Variants in EPB41L5 observed in about 807,000 individuals in gnomAD.
EPB41L5 encodes the protein band 4.1-like protein 5.
A neutral mutation model predicts 106.6 loss-of-function variants in EPB41L5; 55 were observed. The observed-to-expected ratio is 0.52, with a 90% confidence interval of 0.42 to 0.65. EPB41L5 has a LOEUF of 0.65. Ranked by LOEUF, EPB41L5 falls within the 30% of genes least tolerant of loss-of-function variation. The pLI, the probability that EPB41L5 is intolerant of heterozygous loss-of-function variation, is 0.00. For synonymous variants in EPB41L5, 297 were observed against 306.7 expected, an observed-to-expected ratio of 0.97 and a Z score of 0.33; for missense variants, 871 against 882.1, an observed-to-expected ratio of 0.99 and a Z score of 0.16.
chr2:120,100,831 A>C lies in EPB41L5; in HGVS notation c.1337+17A>C. The C allele has an allele frequency of 6.7e-7, 1 of 1,484,168 alleles. No homozygotes were observed. Among genetic ancestry groups the C allele is most frequent in the Non-Finnish European group, 9.2e-7 (1 of 1,081,448 alleles). 91.9% of individuals were successfully genotyped at this position (1,484,168 alleles called of 1,614,324 possible). ...CAGGAAATGGTTTGTTAATTCCTTAAACTAAAATAAAATATTGCCTAGTTA... is the reference window on the plus strand; with the variant it reads ...CAGGAAATGGTTTGTTAATTCCTTACACTAAAATAAAATATTGCCTAGTTA... On this transcript the variant is annotated intron_variant, in intron 16 of 24. Transcript: ENST00000263713.
intron 24 of EPB41L5, 34 bp from the exon 25 acceptor site, chr2:120,174,807 G>C (rs1687861974): frequency 1.2e-6 from 2 of 1,603,620 alleles, no homozygotes; most frequent in Non-Finnish European, 1.7e-6. Flanking sequence ...AACCCCAGGG[G>C]TTCCCTGAGT....
intron 16 of EPB41L5, among the ~76,000 whole-genome samples, chr2:120,111,627 G>A (rs773891392): frequency 5.3e-5 from 8 of 152,128 alleles, no homozygotes; most frequent in Middle Eastern, 3.4e-3. Flanking sequence ...AATGTATCCA[G>A]GTCTACTGCT....
chr2:120,043,130 A>G (rs1050186288), intron 3 of EPB41L5, among the ~76,000 whole-genome samples: 1 of 151,474 alleles, frequency 6.6e-6, no homozygotes, highest in Non-Finnish European at 1.5e-5. Context: ...TCATTTTTTC[A>G]TGACAACCCT....
At chr2:120,094,545 C>G (rs1031813269) in intron 14 of EPB41L5, among the ~76,000 whole-genome samples, 2 of 147,742 alleles carry the variant, frequency 1.4e-5, no homozygotes, top group African/African-American at 2.5e-5. Context: ...AATAGAAAAG[C>G]TTTTGGTTTC....
intron 2 of EPB41L5, among the ~76,000 whole-genome samples, chr2:120,040,719 A>G (rs950822043): frequency 1.3e-5 from 2 of 152,222 alleles, no homozygotes; most frequent in Non-Finnish European, 2.9e-5. Flanking sequence ...AAGTATGTCT[A>G]TAAAACTTGA....
intron 16 of EPB41L5, chr2:120,104,316 T>C: frequency 6.8e-7 from 1 of 1,469,752 alleles, no homozygotes; most frequent in Non-Finnish European, 9.0e-7. Flanking sequence ...TTATAAAGGA[T>C]TAATCACATT....
intron 12 of EPB41L5, 37 bp downstream of exon 12, chr2:120,090,553 C>G (rs748059499): frequency 3.2e-6 from 5 of 1,563,290 alleles, no homozygotes; most frequent in Non-Finnish European, 3.5e-6. Flanking sequence ...TCTTTCATTG[C>G]ATACAGGCCA....
chr2:120,151,192 C>T lies in EPB41L5; in HGVS notation c.1793+4903C>T, dbSNP rs372465862. 4.6e-5 allele frequency among the ~76,000 whole-genome samples: 7 copies of T among 151,958 alleles called. No individual in the cohort carries two copies. The East Asian group carries it at 1.2e-3, about 25-fold the overall frequency. On this transcript the variant is annotated intron_variant, in intron 20 of 24. Coordinates refer to ENST00000263713, the MANE Select transcript of EPB41L5 (RefSeq NM_020909.4). ...CCGGGTGCCTGTAGTCCCAGCTACT[C>T]GGGAGGCTAAGGCAGGAGAATGGCG...
intron 3 of EPB41L5, among the ~76,000 whole-genome samples, chr2:120,061,139 C>G (rs1453534720): frequency 7.1e-6 from 1 of 141,668 alleles, no homozygotes; most frequent in East Asian, 2.2e-4. Flanking sequence ...CTTCCGGGTT[C>G]AAGCAATTCT....
chr2:120,054,438 ATATC>A (rs1353799685), intron 3 of EPB41L5, among the ~76,000 whole-genome samples: 1 of 151,778 alleles, frequency 6.6e-6, no homozygotes, highest in African/African-American at 2.4e-5. Flanking sequence ...TGTTTGTGTT[ATATC>A]TATCAAACGA....
At chr2:120,118,658 C>T (rs2105442890) in intron 16 of EPB41L5, among the ~76,000 whole-genome samples, 1 of 152,312 alleles carries the variant, frequency 6.6e-6, no homozygotes, top group South Asian at 2.1e-4. Context: ...ATCCATGTCC[C>T]TGCAAAGGAC....
In EPB41L5 at chr2:120,028,900, G is replaced by A. The variant is rs531922894; in HGVS notation, c.180+9636G>A. On this transcript the variant is annotated intron_variant, in intron 2 of 24. Transcript: ENST00000263713. ...AAGCAAAGAGTTTTGGTGGGATGGT[G>A]TGTTTGAAAGCCAGATTTTAGAGGG... is the stretch of plus-strand genomic sequence containing the variant. 1.7e-4 allele frequency among the ~76,000 whole-genome samples: 26 copies of A among 152,288 alleles called. 1 individual carries two copies. Among genetic ancestry groups the A allele is most frequent in the Admixed American group, 3.3e-4 (5 of 15,298 alleles).
At chr2:120,112,216 G>C (rs1277974235) in intron 16 of EPB41L5, among the ~76,000 whole-genome samples, 1 of 152,132 alleles carries the variant, frequency 6.6e-6, no homozygotes, top group Non-Finnish European at 1.5e-5. Flanking sequence ...TCAACTTTAT[G>C]ATGGGTTTAT....
At chr2:120,078,179 A>C (rs544322223) in intron 9 of EPB41L5, among the ~76,000 whole-genome samples, 1 of 152,198 alleles carries the variant, frequency 6.6e-6, no homozygotes, top group Non-Finnish European at 1.5e-5. Flanking sequence ...TCCAAAATAC[A>C]TGATTTAAGT....
At chr2:120,084,636 G>C (rs1028657479) in intron 10 of EPB41L5, among the ~76,000 whole-genome samples, 4 of 152,018 alleles carry the variant, frequency 2.6e-5, no homozygotes, top group Admixed American at 2.6e-4. Context: ...TATCTTTGTG[G>C]TGTTCTCTGT....
rs369645376 is a variant in EPB41L5 at position 120,077,335 on chromosome 2, T to C, written c.714+19T>C. 1,775 of 1,591,980 alleles carry C rather than the reference T, an allele frequency of 1.1e-3. 1 individual carries two copies. The highest frequency in any genetic ancestry group is 1.4e-3 in the Non-Finnish European group (1,622 of 1,168,394). ...GGTCAAGGTAAGCATTGTGTTGTGA[T>C]GCTTTTTTAAAAATTTATTCTTTGG... is the stretch of plus-strand genomic sequence containing the variant. On this transcript the variant is annotated intron_variant, in intron 9 of 24. Transcript: ENST00000263713.
intron 10 of EPB41L5, among the ~76,000 whole-genome samples, chr2:120,083,551 A>G (rs565236897): frequency 3.3e-5 from 5 of 152,284 alleles, no homozygotes; most frequent in East Asian, 3.9e-4. Context: ...AATAAGTGCA[A>G]TGTGGTGCTG....
At chr2:120,119,177 C>G (rs951191751) in intron 16 of EPB41L5, among the ~76,000 whole-genome samples, 6 of 151,624 alleles carry the variant, frequency 4.0e-5, no homozygotes, top group African/African-American at 1.5e-4. Flanking sequence ...TTTTAATGTG[C>G]TTTTTTTCTT....
intron 10 of EPB41L5, among the ~76,000 whole-genome samples, chr2:120,081,224 G>A (rs1017541182): frequency 3.9e-5 from 6 of 152,104 alleles, no homozygotes; most frequent in Admixed American, 3.9e-4. Context: ...TTTTCTTCTA[G>A]GGTTTTTATG....
Sources: allele counts gnomAD v4.1 joint callset (sites outside exome capture counted in the v4.1 genomes callset), GRCh38; gene constraint gnomAD v4.1.1; transcripts MANE v1.5; gene names NCBI Gene and HGNC (gene_info 2026-07-23, HGNC 2026-07-21).